The following CEP128 variants were observed in gnomAD, a reference collection of about 807,000 sequenced individuals.
The protein encoded by CEP128 is centrosomal protein 128.
Under a neutral mutation model 156.7 loss-of-function variants are expected in CEP128, and 132 were observed. The ratio of observed to expected loss-of-function variants is 0.84; its 90% CI spans 0.73 to 0.97. CEP128 has a LOEUF of 0.97. CEP128 is among the 50% of genes least tolerant of loss of function. The pLI is 0.00. For missense variants in CEP128, 1,252 were observed against 1,281.9 expected, an observed-to-expected ratio of 0.98 and a Z score of 0.36; for synonymous variants, 469 against 448.9, an observed-to-expected ratio of 1.04 and a Z score of -0.57.
intron 19 of CEP128, among the ~76,000 whole-genome samples, chr14:80,678,504 C>A (rs776279233): frequency 6.6e-6 from 1 of 152,096 alleles, no homozygotes; most frequent in Non-Finnish European, 1.5e-5. Flanking sequence ...GCATAAAGAT[C>A]AACTATGTGC....
At chr14:80,834,053 T>C (rs1263876133) in intron 12 of CEP128, among the ~76,000 whole-genome samples, 2 of 152,192 alleles carry the variant, frequency 1.3e-5, no homozygotes, top group African/African-American at 4.8e-5. Context: ...CAACTCCATT[T>C]GGAGGGCCAA....
At chr14:80,661,565 T>C (rs1389676758) in intron 19 of CEP128, among the ~76,000 whole-genome samples, 1 of 152,166 alleles carries the variant, frequency 6.6e-6, no homozygotes, top group Non-Finnish European at 1.5e-5. Context: ...ATAGCTAAGA[T>C]GTCAAATTAT....
At chr14:80,520,198 C>T (rs1478808892) in intron 23 of CEP128, among the ~76,000 whole-genome samples, 2 of 152,102 alleles carry the variant, frequency 1.3e-5, no homozygotes, top group African/African-American at 2.4e-5. Context: ...GCTTGCGGAT[C>T]GCCTGAGGTC....
intron 23 of CEP128, 87 bp downstream of exon 23, chr14:80,526,782 C>T: frequency 1.5e-6 from 1 of 655,260 alleles, no homozygotes; most frequent in Non-Finnish European, 2.7e-6. Flanking sequence ...AGTGCCCTTA[C>T]ACAAACACTG....
chr14:80,491,625 T>C (rs1887328238), downstream of CEP128, among the ~76,000 whole-genome samples: 1 of 151,984 alleles, frequency 6.6e-6, no homozygotes, highest in African/African-American at 2.4e-5. Context: ...ATAAATAAAA[T>C]GAAAATCCAA....
At chr14:80,774,405 T>G (rs528675185) in intron 16 of CEP128, among the ~76,000 whole-genome samples, 1 of 152,320 alleles carries the variant, frequency 6.6e-6, no homozygotes, top group Admixed American at 6.5e-5. Flanking sequence ...CCCTTTTGAT[T>G]GTAGCAGAGC....
chr14:80,628,173 T>C (rs915107673), intron 19 of CEP128, among the ~76,000 whole-genome samples: 4 of 152,238 alleles, frequency 2.6e-5, no homozygotes, highest in African/African-American at 2.4e-5. Flanking sequence ...AAGTAGATGA[T>C]TTCAGACATG....
chr14:80,742,974 T>C (rs538493892), intron 19 of CEP128, 101 bp downstream of exon 19: 16 of 942,154 alleles, frequency 1.7e-5, no homozygotes, highest in African/African-American at 1.7e-4. Context: ...GGCTTGGAAA[T>C]AGTCCAAAGG....
intron 9 of CEP128, among the ~76,000 whole-genome samples, chr14:80,843,520 T>G (rs749013838): frequency 6.6e-5 from 10 of 151,982 alleles, no homozygotes; most frequent in Non-Finnish European, 1.2e-4. Flanking sequence ...AATCAGATTT[T>G]TTTTCCAGTA....
intron 18 of CEP128, among the ~76,000 whole-genome samples, chr14:80,756,593 A>G (rs577913470): frequency 1.3e-5 from 2 of 152,274 alleles, no homozygotes; most frequent in Non-Finnish European, 2.9e-5. Context: ...CAATAGAATT[A>G]GCTCTTCCTT....
chr14:80,708,180 C>G (rs866302134), intron 19 of CEP128, among the ~76,000 whole-genome samples: 1 of 151,966 alleles, frequency 6.6e-6, no homozygotes, highest in Admixed American at 6.6e-5. Context: ...GCATAAGAAG[C>G]GTTATTTACT....
intron 8 of CEP128, among the ~76,000 whole-genome samples, chr14:80,878,106 C>G (rs1422969862): frequency 6.6e-6 from 1 of 152,108 alleles, no homozygotes; most frequent in South Asian, 2.1e-4. Context: ...AGCAGCCCCT[C>G]CCCCAGCAGG....
At chr14:80,591,681 A>C (rs1892077580) in intron 19 of CEP128, among the ~76,000 whole-genome samples, 1 of 152,112 alleles carries the variant, frequency 6.6e-6, no homozygotes. Flanking sequence ...AGAACTCTCC[A>C]CTCCAAGTCA....
intron 8 of CEP128, among the ~76,000 whole-genome samples, chr14:80,866,814 A>G (rs1453205110): frequency 1.3e-5 from 2 of 152,186 alleles, no homozygotes; most frequent in Non-Finnish European, 2.9e-5. Flanking sequence ...CCTAACAAAG[A>G]ATACAAAATA....
chr14:80,775,727 ATTCTTCAAG>A (rs1416818516), intron 16 of CEP128, among the ~76,000 whole-genome samples: 3 of 152,284 alleles, frequency 2.0e-5, no homozygotes, highest in African/African-American at 4.8e-5. Context: ...AAAATCATTA[ATTCTTCAAG>A]TTCTGTTCTA....
At chr14:80,502,290 G>C (rs1490623659) in intron 24 of CEP128, among the ~76,000 whole-genome samples, 1 of 152,134 alleles carries the variant, frequency 6.6e-6, no homozygotes, top group African/African-American at 2.4e-5. Context: ...AGTGAAACAA[G>C]AAAGAGGAAG....
intron 19 of CEP128, among the ~76,000 whole-genome samples, chr14:80,733,338 TCGTG>T (rs1898367460): frequency 1.0e-5 from 1 of 99,930 alleles, no homozygotes; most frequent in African/African-American, 4.5e-5. Flanking sequence ...ACCACATGGG[TCGTG>T]TGTGTGTGTG....
intron 19 of CEP128, among the ~76,000 whole-genome samples, chr14:80,598,813 T>G (rs1384099103): frequency 2.0e-5 from 3 of 152,048 alleles, no homozygotes; most frequent in African/African-American, 7.2e-5. Flanking sequence ...TTGAACAGAA[T>G]AGAAAATCCA....
At chr14:80,551,280 G>A (rs1021691867) in intron 21 of CEP128, among the ~76,000 whole-genome samples, 3 of 152,168 alleles carry the variant, frequency 2.0e-5, no homozygotes, top group Non-Finnish European at 2.9e-5. Flanking sequence ...GATTTATCAC[G>A]TAACTGTTTT....
Sources: gnomAD v4.1 joint callset for allele counts (sites outside exome capture counted in the v4.1 genomes callset) on GRCh38, gnomAD v4.1.1 for gene constraint, MANE v1.5 for transcripts, NCBI Gene and HGNC (gene_info 2026-07-23, HGNC 2026-07-21) for gene names.